The following CHST11 variants were observed in gnomAD, a reference collection of about 807,000 sequenced individuals.
The protein encoded by CHST11 is carbohydrate sulfotransferase 11.
In CHST11, 9 loss-of-function variants were observed where a neutral mutation model predicts 30.4. The observed-to-expected ratio is 0.30, with a 90% CI of 0.18 to 0.52. The LOEUF is 0.52. Ranked by LOEUF, CHST11 falls within the 20% of genes least tolerant of loss-of-function variation. The probability of loss-of-function intolerance (pLI) is 0.97; values close to 1 mark genes in which losing one functional copy is unlikely to be tolerated. For synonymous variants in CHST11, 152 were observed against 187.8 expected (o/e 0.81, Z 1.56); for missense variants, 348 against 460.6 (o/e 0.76, Z 2.24).
intron 2 of CHST11, among the ~76,000 whole-genome samples, chr12:104,732,060 C>T (rs1414493746): frequency 6.6e-6 from 1 of 152,256 alleles, no homozygotes; most frequent in Non-Finnish European, 1.5e-5. Context: ...AGCTCCACAG[C>T]TATGCTCGGT....
At chr12:104,670,186 G>T (rs1047444280) in intron 2 of CHST11, among the ~76,000 whole-genome samples, 2 of 152,184 alleles carry the variant, frequency 1.3e-5, no homozygotes, top group African/African-American at 2.4e-5. Flanking sequence ...CTGGCCAGGT[G>T]CACTCTGGTG....
intron 2 of CHST11, among the ~76,000 whole-genome samples, chr12:104,698,473 T>TTATC (rs2039966273): frequency 6.6e-6 from 1 of 152,162 alleles, no homozygotes; most frequent in African/African-American, 2.4e-5. Flanking sequence ...TTCCGTAGAG[T>TTATC]TATCTACCTA....
At chr12:104,667,409 G>A (rs899099848) in intron 2 of CHST11, among the ~76,000 whole-genome samples, 3 of 152,078 alleles carry the variant, frequency 2.0e-5, no homozygotes, top group Admixed American at 6.6e-5. Context: ...ATACTGATCC[G>A]GCTCCAGATA....
intron 2 of CHST11, among the ~76,000 whole-genome samples, chr12:104,640,708 A>G (rs1296167362): frequency 6.6e-6 from 1 of 152,224 alleles, no homozygotes; most frequent in Non-Finnish European, 1.5e-5. Flanking sequence ...ATGAAGTCTA[A>G]TGTAAACTAT....
At chr12:104,572,610 TC>T (rs2038639776) in intron 1 of CHST11, among the ~76,000 whole-genome samples, 2 of 152,192 alleles carry the variant, frequency 1.3e-5, no homozygotes, top group South Asian at 4.1e-4. Flanking sequence ...TCTCTTTTCT[TC>T]TTTATTAGTC....
chr12:104,628,232 T>C (rs2039236847), intron 2 of CHST11, among the ~76,000 whole-genome samples: 1 of 152,138 alleles, frequency 6.6e-6, no homozygotes, highest in Non-Finnish European at 1.5e-5. Context: ...TCCTGCTTAA[T>C]CCCAACGGTC....
At chr12:104,593,155 C>T (rs1373888404) in intron 1 of CHST11, among the ~76,000 whole-genome samples, 2 of 152,182 alleles carry the variant, frequency 1.3e-5, no homozygotes, top group African/African-American at 4.8e-5. Context: ...GTTCTACAAC[C>T]ACCTTCTACA....
chr12:104,626,631 G>GT (rs2039217805), intron 2 of CHST11, among the ~76,000 whole-genome samples: 1 of 150,470 alleles, frequency 6.6e-6, no homozygotes, highest in Non-Finnish European at 1.5e-5. Context: ...TGTAAATGTG[G>GT]TATTTCCTGG....
chr12:104,549,812 T>C (rs2038388146), intron 1 of CHST11, among the ~76,000 whole-genome samples: 1 of 151,946 alleles, frequency 6.6e-6, no homozygotes, highest in Non-Finnish European at 1.5e-5. Context: ...GAGGCTGAGG[T>C]GGGAGAATCT....
intron 2 of CHST11, among the ~76,000 whole-genome samples, chr12:104,702,060 T>G (rs912514910): frequency 6.6e-6 from 1 of 152,124 alleles, no homozygotes; most frequent in Non-Finnish European, 1.5e-5. Context: ...AAGCCCATCT[T>G]TTATTCATTC....
chr12:104,738,290 G>T (rs751865281), intron 2 of CHST11, among the ~76,000 whole-genome samples: 13 of 152,252 alleles, frequency 8.5e-5, no homozygotes, highest in Admixed American at 7.8e-4. Flanking sequence ...GAGGTGCCCC[G>T]CTCTCTGTCG....
At chr12:104,692,917 C>A (rs1175495107) in intron 2 of CHST11, among the ~76,000 whole-genome samples, 1 of 130,364 alleles carries the variant, frequency 7.7e-6, no homozygotes, top group Non-Finnish European at 1.5e-5. Context: ...TTCCATGAAA[C>A]CAGTCCCTGG....
At chr12:104,748,345 G>A (rs536244784) in intron 2 of CHST11, among the ~76,000 whole-genome samples, 1 of 152,162 alleles carries the variant, frequency 6.6e-6, no homozygotes, top group East Asian at 1.9e-4. Flanking sequence ...TGGTGTTATA[G>A]GGGTCGAATT....
At chr12:104,580,557 A>G (rs564456619) in intron 1 of CHST11, among the ~76,000 whole-genome samples, 1 of 152,352 alleles carries the variant, frequency 6.6e-6, no homozygotes, top group East Asian at 1.9e-4. Flanking sequence ...GTAGAAAAAT[A>G]TGTAACTTAA....
intron 2 of CHST11, among the ~76,000 whole-genome samples, chr12:104,650,159 A>T (rs1019783217): frequency 3.3e-5 from 5 of 152,306 alleles, no homozygotes; most frequent in Admixed American, 6.5e-5. Context: ...TCAGCACTGG[A>T]TGTGTAGCAA....
intron 1 of CHST11, among the ~76,000 whole-genome samples, chr12:104,494,092 C>G (rs767440817): frequency 1.3e-5 from 2 of 152,176 alleles, no homozygotes; most frequent in Non-Finnish European, 2.9e-5. Flanking sequence ...ATAGTGTGAG[C>G]CACCGTGCCT....
intron 2 of CHST11, among the ~76,000 whole-genome samples, chr12:104,663,648 C>A (rs555772907): frequency 2.6e-5 from 4 of 152,122 alleles, no homozygotes; most frequent in Non-Finnish European, 5.9e-5. Flanking sequence ...TACAGACCAA[C>A]CCTAATTTAA....
At chr12:104,653,270 T>C (rs1000791120) in intron 2 of CHST11, among the ~76,000 whole-genome samples, 15 of 152,234 alleles carry the variant, frequency 9.9e-5, no homozygotes, top group Non-Finnish European at 1.9e-4. Flanking sequence ...GACTGGCTTA[T>C]TTCCCTTAAC....
intron 2 of CHST11, among the ~76,000 whole-genome samples, chr12:104,670,884 A>G (rs1209442327): frequency 7.3e-6 from 1 of 136,110 alleles, no homozygotes; most frequent in African/African-American, 2.8e-5. Context: ...ACCAACAGAA[A>G]CACACACATA....
Sources: gnomAD v4.1 joint callset for allele counts (sites outside exome capture counted in the v4.1 genomes callset) on GRCh38, gnomAD v4.1.1 for gene constraint, MANE v1.5 for transcripts, NCBI Gene and HGNC (gene_info 2026-07-23, HGNC 2026-07-21) for gene names.